PDE10A: variants seen among roughly 807,000 people sequenced by gnomAD.
PDE10A encodes the protein phosphodiesterase 10A.
Under a neutral mutation model 97.7 loss-of-function variants are expected in PDE10A, and 39 were observed. That is an observed-to-expected ratio of 0.40 (90% CI 0.31 to 0.52). The LOEUF is 0.52. Ranked by LOEUF, PDE10A falls within the 20% of genes least tolerant of loss-of-function variation. The pLI is 0.56. For missense variants in PDE10A, 731 were observed against 1,047.8 expected, an observed-to-expected ratio of 0.70 and a Z score of 4.17; for synonymous variants, 371 against 376.8, an observed-to-expected ratio of 0.98 and a Z score of 0.18.
intron 11 of PDE10A, among the ~76,000 whole-genome samples, chr6:165,416,960 A>G (rs777290213): frequency 1.2e-4 from 19 of 152,126 alleles, no homozygotes; most frequent in Non-Finnish European, 2.5e-4. Context: ...TCATACTTAT[A>G]TTTTTCTCAT....
rs1302505856 is a variant in PDE10A, at chr6:165,372,760, C to T, written c.2783+6434G>A. ...GTTCATATGGAACCAAAAAAGAGCC[C>T]GCATTGCCAAGTCAATCCTAAGCCA... On this transcript the variant is annotated intron_variant, in intron 18 of 21. Transcript: ENST00000539869. Among the ~76,000 whole-genome samples, 11 of 121,774 alleles carry T rather than the reference C, an allele frequency of 9.0e-5. 1 individual carries two copies. The highest frequency in any genetic ancestry group is 3.9e-4 in the African/African-American group (11 of 27,962). The allele number at this position is 121,774 out of a possible 152,430, so 79.9% of individuals were successfully genotyped here.
intron 1 of PDE10A, among the ~76,000 whole-genome samples, chr6:165,805,807 G>A (rs1779120612): frequency 6.6e-6 from 1 of 151,966 alleles, no homozygotes; most frequent in Admixed American, 6.6e-5. Flanking sequence ...TGGTGGATGA[G>A]GACATGCTCT....
chr6:165,631,339 T>C (rs1305406516), intron 1 of PDE10A, among the ~76,000 whole-genome samples: 4 of 152,230 alleles, frequency 2.6e-5, no homozygotes, highest in Non-Finnish European at 5.9e-5. Flanking sequence ...TTATACATAA[T>C]TGTTACATGC....
chr6:165,718,159 C>T (rs1441347609), intron 1 of PDE10A: 1 of 152,050 alleles, frequency 6.6e-6, no homozygotes, highest in African/African-American at 2.4e-5. Context: ...ATCAAATTCC[C>T]AAATTCAAAG....
intron 13 of PDE10A, among the ~76,000 whole-genome samples, chr6:165,412,147 T>C (rs1473710237): frequency 6.6e-6 from 1 of 152,088 alleles, no homozygotes; most frequent in African/African-American, 2.4e-5. Flanking sequence ...ATTATACATG[T>C]TTTAGACATA....
At chr6:165,984,304 G>C (rs1397809073) in intron 1 of PDE10A, among the ~76,000 whole-genome samples, 1 of 152,164 alleles carries the variant, frequency 6.6e-6, no homozygotes. Context: ...GGAATTACTT[G>C]CTACTGGTAG....
In PDE10A at chr6:165,655,013, G is replaced by A. The variant is rs895163563; in HGVS notation, c.865+6934C>T. Among the ~76,000 whole-genome samples the A allele has an allele frequency of 7.9e-5, 12 of 152,160 alleles. No homozygotes were observed. The highest frequency in any genetic ancestry group is 2.4e-4 in the African/African-American group (10 of 41,436). On this transcript the variant is annotated intron_variant, in intron 1 of 21. Coordinates refer to ENST00000539869, the MANE Select transcript of PDE10A (RefSeq NM_001385079.1). The surrounding 1 kb of genome is among the most constrained non-coding windows in gnomAD (Gnocchi z 4.5). ...CTCCATTCACGACTGTGGCTTCAAC[G>A]ACTACCTTGGTGTTGCAGAGTCCAA... is the stretch of plus-strand genomic sequence containing the variant.
chr6:165,883,010 C>T (rs1355938321), intron 1 of PDE10A, among the ~76,000 whole-genome samples: 1 of 152,042 alleles, frequency 6.6e-6, no homozygotes, highest in Non-Finnish European at 1.5e-5. Context: ...CGGAGGCGGG[C>T]AGATTGCTCG....
At chr6:165,611,573 AC>A (rs1787497069) in intron 1 of PDE10A, among the ~76,000 whole-genome samples, 1 of 152,222 alleles carries the variant, frequency 6.6e-6, no homozygotes, top group Non-Finnish European at 1.5e-5. Flanking sequence ...AGGAATAATG[AC>A]TATGGTCCAG....
chr6:165,742,483 T>C (rs933513409), intron 1 of PDE10A, among the ~76,000 whole-genome samples: 4 of 152,136 alleles, frequency 2.6e-5, no homozygotes, highest in African/African-American at 9.7e-5. Context: ...GGACATCTGA[T>C]GCCAAACCCC....
intron 3 of PDE10A, among the ~76,000 whole-genome samples, chr6:165,481,146 C>T (rs1779583522): frequency 6.6e-6 from 1 of 152,196 alleles, no homozygotes; most frequent in Non-Finnish European, 1.5e-5. Context: ...TGCCAAAGTT[C>T]ACTTTTCAGA....
chr6:165,690,853 G>A (rs998611910), intron 1 of PDE10A, among the ~76,000 whole-genome samples: 14 of 152,178 alleles, frequency 9.2e-5, no homozygotes, highest in African/African-American at 2.9e-4. Context: ...AGGTACATGA[G>A]GGTGCTTCTG....
intron 1 of PDE10A, among the ~76,000 whole-genome samples, chr6:165,931,416 G>C (rs1389648540): frequency 1.3e-5 from 2 of 152,362 alleles, no homozygotes; most frequent in East Asian, 3.9e-4. Flanking sequence ...GACTGCAGCA[G>C]AGTGAATGGA....
chr6:165,901,070 G>A (rs1193289965), intron 1 of PDE10A, among the ~76,000 whole-genome samples: 3 of 151,996 alleles, frequency 2.0e-5, no homozygotes, highest in South Asian at 2.1e-4. Flanking sequence ...GTTCCACCTC[G>A]GCCTCCACGT....
At chr6:165,689,367 G>C (rs943680498) in intron 1 of PDE10A, among the ~76,000 whole-genome samples, 1 of 152,208 alleles carries the variant, frequency 6.6e-6, no homozygotes, top group African/African-American at 2.4e-5. Flanking sequence ...TTGGTTCCCA[G>C]GGTTAAATGA....
At chr6:165,875,746 T>TTTTTTTTTTTTTTTTTTTGTG (rs780504850) in intron 1 of PDE10A, among the ~76,000 whole-genome samples, 4 of 147,052 alleles carry the variant, frequency 2.7e-5, no homozygotes, top group African/African-American at 1.1e-4. Flanking sequence ...TTTTTTTTTT[T>TTTTTTTTTTTTTTTTTTTGTG]TGTGTGTGTG....
Position 165,391,023 on chromosome 6 carries a change from C to T in PDE10A, c.2454+1623G>A, listed in dbSNP as rs532612184. Among the ~76,000 whole-genome samples, 401 of 152,172 alleles carry T rather than the reference C, an allele frequency of 2.6e-3. 1 individual carries two copies. Among genetic ancestry groups the T allele is most frequent in the South Asian group, 0.014 (65 of 4,814 alleles). On this transcript the variant is annotated intron_variant, in intron 16 of 21. Transcript: ENST00000539869. The stretch of plus-strand genomic sequence containing the variant: ...AAGAGTTTTACAATCTTGCACAATA[C>T]GTAAAAGTTATCATCTTTCCAGTTT...
intron 1 of PDE10A, among the ~76,000 whole-genome samples, chr6:165,794,703 C>T (rs1237786619): frequency 2.6e-5 from 4 of 152,138 alleles, no homozygotes; most frequent in African/African-American, 9.7e-5. Flanking sequence ...TCTCATTTCA[C>T]CCACACAAAA....
chr6:165,788,575 T>A (rs1253687335), intron 1 of PDE10A, among the ~76,000 whole-genome samples: 4 of 150,606 alleles, frequency 2.7e-5, no homozygotes, highest in Non-Finnish European at 5.9e-5. Context: ...AAGAGTATAC[T>A]TCTTTCCTAA....
Sources: gnomAD v4.1 joint callset for allele counts (sites outside exome capture counted in the v4.1 genomes callset) on GRCh38, gnomAD v4.1.1 for gene constraint, Gnocchi (gnomAD v3.1) non-coding constraint, MANE v1.5 for transcripts, NCBI Gene and HGNC (gene_info 2026-07-23, HGNC 2026-07-21) for gene names.